Variants in CCDC171 observed in about 807,000 individuals in gnomAD.
CCDC171 encodes the protein coiled-coil domain containing 171.
In CCDC171, 177 loss-of-function variants were observed where a neutral mutation model predicts 168.2. The observed-to-expected ratio is 1.05, with a 90% confidence interval of 0.93 to 1.19. The LOEUF (loss-of-function observed/expected upper bound fraction) is 1.19. CCDC171 is among the 50% of genes most tolerant of loss of function. CCDC171 has a pLI of 0.00. For missense variants in CCDC171, 1,991 were observed against 1,539.0 expected (o/e 1.29, Z -4.91); for synonymous variants, 687 against 540.8 (o/e 1.27, Z -3.75).
At position 15,695,328 on chromosome 9, in the gene CCDC171, T is replaced by A; in HGVS notation, c.1309T>A (p.Trp437Arg). ...ILDSFTVSGQ[W>R]TSGIHKDKDK... ...GGACAGCTTTACTGTGTCGGGCCAG[T>A]GGACATCAGGTTAGTTGAAGGTATA... The change falls in exon 11 of 26, where the codon TGG becomes AGG. Residue 437 changes from tryptophan to arginine, a missense_variant. Coordinates refer to ENST00000380701, the MANE Select transcript of CCDC171 (RefSeq NM_173550.4). 6.2e-7 allele frequency: 1 copy of A among 1,612,938 alleles called. No individual in the cohort carries two copies.
At chr9:16,078,710 A>G in the CCDC171 span, among the ~76,000 whole-genome samples, 1 of 152,230 alleles carries the variant, frequency 6.6e-6, no homozygotes, top group East Asian at 1.9e-4. Context: ...ACATGACCCC[A>G]GGATAAAAGC....
chr9:15,581,755 C>A (rs1006049589), intron 4 of CCDC171, among the ~76,000 whole-genome samples: 5 of 152,068 alleles, frequency 3.3e-5, no homozygotes, highest in Non-Finnish European at 7.3e-5. Context: ...TGGAACCCTT[C>A]CTTACACCTT....
chr9:15,679,171 G>A (rs1238431332), intron 10 of CCDC171, among the ~76,000 whole-genome samples: 7 of 150,916 alleles, frequency 4.6e-5, no homozygotes, highest in Admixed American at 3.3e-4. Flanking sequence ...TTTTTTTATC[G>A]TGCATAAAAC....
intron 7 of CCDC171, among the ~76,000 whole-genome samples, chr9:15,644,180 T>A (rs564719830): frequency 6.6e-6 from 1 of 152,222 alleles, no homozygotes; most frequent in African/African-American, 2.4e-5. Context: ...CATTTTACAT[T>A]CCTATCAGTA....
At chr9:16,090,707 C>T in the CCDC171 span, among the ~76,000 whole-genome samples, 1 of 152,100 alleles carries the variant, frequency 6.6e-6, no homozygotes, top group African/African-American at 2.4e-5. Context: ...ATTAGTCATT[C>T]CAGTTATTCA....
intron 25 of CCDC171, among the ~76,000 whole-genome samples, chr9:15,925,357 C>A (rs1392464202): frequency 6.6e-6 from 1 of 151,520 alleles, no homozygotes; most frequent in African/African-American, 2.4e-5. Context: ...GGAGTGGTGA[C>A]TTCTACAAAG....
At chr9:16,065,921 G>A (rs898262081), downstream of CCDC171, among the ~76,000 whole-genome samples, 7 of 152,048 alleles carry the variant, frequency 4.6e-5, no homozygotes, top group South Asian at 2.1e-4. Flanking sequence ...CCAGGAGGCC[G>A]TCAAAGGGCA....
chr9:15,974,301 G>T (rs1336847027), downstream of CCDC171, among the ~76,000 whole-genome samples: 2 of 152,124 alleles, frequency 1.3e-5, no homozygotes, highest in Non-Finnish European at 2.9e-5. Flanking sequence ...ATCCTATGGA[G>T]ATCTGAGAAA....
chr9:15,782,996 T>A (rs180985206), intron 20 of CCDC171, among the ~76,000 whole-genome samples: 1 of 152,350 alleles, frequency 6.6e-6, no homozygotes, highest in Admixed American at 6.5e-5. Flanking sequence ...ATTAGACATC[T>A]GTTTTTATGC....
intron 16 of CCDC171, among the ~76,000 whole-genome samples, chr9:15,735,048 A>T (rs1480090609): frequency 6.6e-6 from 1 of 152,224 alleles, no homozygotes; most frequent in Non-Finnish European, 1.5e-5. Context: ...TATCTGAAAA[A>T]ATGTAGTAGA....
At chr9:15,555,723 G>C (rs900670955) in intron 1 of CCDC171, among the ~76,000 whole-genome samples, 18 of 152,254 alleles carry the variant, frequency 1.2e-4, no homozygotes, top group Non-Finnish European at 2.2e-4. Flanking sequence ...TAGAGTACAT[G>C]TGCACAATGT....
intron 25 of CCDC171, among the ~76,000 whole-genome samples, chr9:15,947,436 A>C (rs1828540632): frequency 6.6e-6 from 1 of 152,026 alleles, no homozygotes; most frequent in Non-Finnish European, 1.5e-5. Context: ...ATTTCATATA[A>C]GTAGAATTCT....
intron 6 of CCDC171, among the ~76,000 whole-genome samples, chr9:16,031,740 T>C (rs1833367301): frequency 6.6e-6 from 1 of 152,142 alleles, no homozygotes; most frequent in South Asian, 2.1e-4. Context: ...GAGGGGTCGA[T>C]AGGATTCCCT....
chr9:15,960,665 C>T (rs771653791), intron 25 of CCDC171, among the ~76,000 whole-genome samples: 1 of 152,108 alleles, frequency 6.6e-6, no homozygotes, highest in Non-Finnish European at 1.5e-5. Context: ...AATGTCATTG[C>T]CAACTAAGTG....
chr9:16,090,069 G>A, the CCDC171 span, among the ~76,000 whole-genome samples: 72 of 152,170 alleles, frequency 4.7e-4, 1 homozygote, highest in Non-Finnish European at 7.8e-4. Context: ...CTCATTACTG[G>A]GTATATACCC....
intron 21 of CCDC171, among the ~76,000 whole-genome samples, chr9:15,828,643 C>G (rs2185665): frequency 0.46 from 69,917 of 151,878 alleles, 16,400 homozygotes; most frequent in African/African-American, 0.53. Flanking sequence ...CCATCATTCT[C>G]TATAGGGTGC....
intron 21 of CCDC171, among the ~76,000 whole-genome samples, chr9:15,842,131 C>G (rs912499510): frequency 1.3e-5 from 2 of 151,918 alleles, no homozygotes; most frequent in Admixed American, 6.6e-5. Flanking sequence ...GTTGTCTTGC[C>G]TTTCATTTTG....
At chr9:16,059,372 G>T (rs894776923) in intron 1 of CCDC171, among the ~76,000 whole-genome samples, 7 of 152,160 alleles carry the variant, frequency 4.6e-5, no homozygotes, top group Non-Finnish European at 1.0e-4. Context: ...AGGCATCCCC[G>T]GGTGAGAATA....
chr9:15,931,456 C>CTTTTTTTTTTTTTTTTTTTTTTTTT (rs57124025), intron 25 of CCDC171, among the ~76,000 whole-genome samples: 1 of 44,992 alleles, frequency 2.2e-5, no homozygotes, highest in Non-Finnish European at 4.3e-5. Flanking sequence ...TTCTTTCTTT[C>CTTTTTTTTTTTTTTTTTTTTTTTTT]TTTTTTTTTT....
Sources: gnomAD v4.1 joint callset for allele counts (sites outside exome capture counted in the v4.1 genomes callset) on GRCh38, gnomAD v4.1.1 for gene constraint, MANE v1.5 for transcripts, NCBI Gene and HGNC (gene_info 2026-07-23, HGNC 2026-07-21) for gene names.